Variants in ADAD2 observed in about 807,000 individuals in gnomAD.
The protein encoded by ADAD2 is adenosine deaminase domain-containing protein 2.
A neutral mutation model predicts 54.5 loss-of-function variants in ADAD2; 60 were observed. That is an observed-to-expected ratio of 1.10 (90% CI 0.89 to 1.36). The LOEUF is 1.36. Ranked by LOEUF, ADAD2 falls within the 40% of genes most tolerant of loss-of-function variation. The probability of loss-of-function intolerance (pLI) is 0.00; values close to 1 mark genes in which losing one functional copy is unlikely to be tolerated. For synonymous variants in ADAD2, 543 were observed against 366.2 expected (o/e 1.48, Z -5.51); for missense variants, 1,103 against 801.3 (o/e 1.38, Z -4.54).
At position 84,195,682 on chromosome 16, in the gene ADAD2, C is replaced by T. The variant is rs139952223; in HGVS notation, c.1037C>T (p.Ala346Val). ...TACATCAGCAACACCCCCAAGGGCG[C>T]GGCCCGTGACATCTAGTATGCAGGG... Reference protein sequence around the residue: ...HLYISNTPKGAARDIYLPPTS... With the variant: ...HLYISNTPKGVARDIYLPPTS... The change falls in exon 6 of 10, where the codon GCG (alanine) becomes GTG (valine). Residue 346 changes from alanine (A) to valine (V), a missense_variant. Coordinates refer to ENST00000315906, the MANE Select transcript of ADAD2 (RefSeq NM_001145400.2). The T allele has an allele frequency of 6.5e-4, 1,021 of 1,559,574 alleles. 5 individuals carry two copies. The highest frequency in any genetic ancestry group is 8.2e-4 in the Non-Finnish European group (953 of 1,156,192).
At chr16:84,196,817 C>A in intron 9 of ADAD2, 50 bp downstream of exon 9, 9 of 1,597,836 alleles carry the variant, frequency 5.6e-6, no homozygotes, top group Non-Finnish European at 6.0e-6. Flanking sequence ...GCCCTGCAGT[C>A]CCTGCCCCCT....
rs748987274 is a variant in ADAD2, at chr16:84,195,984, C to T, written c.1222C>T (p.Leu408=). 9.4e-6 allele frequency: 15 copies of T among 1,598,814 alleles called. No individual in the cohort carries two copies. Among genetic ancestry groups the T allele is most frequent in the Admixed American group, 1.7e-5 (1 of 59,960 alleles). ...DKLARWAVLG[L]GGALLAHLVS... The stretch of plus-strand genomic sequence containing the variant: ...GCTGGCACGCTGGGCCGTGCTGGGG[C>T]TGGGTGGTGCCCTGCTGGCCCACCT... The change falls in exon 7 of 10, where the codon CTG becomes TTG. Residue 408 remains leucine, a synonymous_variant. Transcript: ENST00000315906.
rs762498754 is a variant in ADAD2, at chr16:84,195,602, C to T, written c.957C>T (p.Pro319=). Residue 319 remains proline (P), a synonymous_variant, in exon 6 of 10, where the codon CCC becomes CCT. Coordinates refer to ENST00000315906, the MANE Select transcript of ADAD2 (RefSeq NM_001145400.2). ...PKGKEQSVLA[P]QPGPGPPFTL... ...GCAAGGAGCAGTCCGTGCTGGCCCC[C>T]CAGCCAGGGCCCGGACCCCCATTCA... is the stretch of plus-strand genomic sequence containing the variant. 3.2e-5 allele frequency: 51 copies of T among 1,604,212 alleles called. 1 individual carries two copies. In the Admixed American group the frequency reaches 8.8e-4, roughly 28 times the overall value.
Position 84,196,322 on chromosome 16 carries a change from A to C in ADAD2, c.1478A>C (p.Asp493Ala), listed in dbSNP as rs2089730189. ...CTGAGCCTCAACTGGAGCCTGGGGG[A>C]CCCTGGCATCGAGGTTGTGGATGTG... Reference protein sequence around the residue: ...RGLSLNWSLGDPGIEVVDVAT... With the variant: ...RGLSLNWSLGAPGIEVVDVAT... Residue 493 changes from aspartate (D) to alanine (A), a missense_variant, in exon 8 of 10, where the codon GAC (aspartate) becomes GCC (alanine). Coordinates refer to ENST00000315906, the MANE Select transcript of ADAD2 (RefSeq NM_001145400.2). 2.5e-6 allele frequency: 4 copies of C among 1,612,756 alleles called. No homozygotes were observed. Among genetic ancestry groups the C allele is most frequent in the Non-Finnish European group, 3.4e-6 (4 of 1,179,908 alleles).
chr16:84,196,601 C>G lies in ADAD2; in HGVS notation c.1527-46C>G, dbSNP rs764438990. On this transcript the variant is annotated intron_variant, in intron 8 of 9. Coordinates refer to ENST00000315906, the MANE Select transcript of ADAD2 (RefSeq NM_001145400.2). The stretch of plus-strand genomic sequence containing the variant: ...TGAGGTGTGTAGCAGGCCTGCTGGT[C>G]CAGCTTGTATCTCTCTGATCTCAGT... The G allele has an allele frequency of 8.1e-6, 13 of 1,599,378 alleles. No homozygotes were observed. In the South Asian group the frequency reaches 1.2e-4, roughly 15 times the overall value.
intron 1 of ADAD2, 184 bp downstream of exon 1, chr16:84,191,832 C>T: frequency 1.2e-6 from 1 of 820,836 alleles, no homozygotes; most frequent in South Asian, 1.5e-5. Context: ...GCAGCGATCT[C>T]CAAGGATCAC....
chr16:84,191,729 C>T (rs1310954221), intron 1 of ADAD2, 81 bp downstream of exon 1: 1 of 1,524,146 alleles, frequency 6.6e-7, no homozygotes, highest in African/African-American at 1.5e-5. Flanking sequence ...AGCAGGGGGT[C>T]TGGGGAAGGT....
At position 84,196,882 on chromosome 16, in the gene ADAD2, C is replaced by T. The variant is rs767423794; in HGVS notation, c.1660C>T (p.Gln554Ter). Residue 554 changes from glutamine to a stop codon, truncating the protein, a stop_gained, in exon 10 of 10, where the codon CAG becomes TAG. Coordinates refer to ENST00000315906, the MANE Select transcript of ADAD2 (RefSeq NM_001145400.2). LOFTEE classifies it high-confidence loss of function. ...TYEAAKAGPY[Q>*]EARRQLSLLL... ...TCTCCCGCCCTAGGCTGGGCCCTAC[C>T]AGGAGGCTCGCAGGCAGCTGTCTCT... 1.3e-6 allele frequency: 2 copies of T among 1,593,362 alleles called. No homozygotes were observed. Among genetic ancestry groups the T allele is most frequent in the African/African-American group, 1.3e-5 (1 of 74,538 alleles).
rs115633817 is a variant in ADAD2 at position 84,195,484 on chromosome 16, C to T, written c.884+38C>T. On this transcript the variant is annotated intron_variant, in intron 5 of 9. Coordinates refer to ENST00000315906, the MANE Select transcript of ADAD2 (RefSeq NM_001145400.2). The stretch of plus-strand genomic sequence containing the variant: ...GGGGTGGGCGCCTGATAGCAGCCTT[C>T]GCCAGGACAAGGTCTTCCCAACCAC... The T allele has an allele frequency of 6.5e-3, 10,440 of 1,605,254 alleles. 388 individuals carry two copies. In the African/African-American group the frequency reaches 0.087, roughly 13 times the overall value.
rs913209333 is a variant in ADAD2, at chr16:84,191,642, C to A, written c.412C>A (p.Pro138Thr). The change falls in exon 1 of 10, where the codon CCA becomes ACA. Residue 138 changes from proline (P) to threonine (T), a missense_variant. Transcript: ENST00000315906. ...GIFLLFREDQ[P>T]PGPCFPFSVS... is the part of the protein sequence containing the mutation. Reference sequence around the variant, plus strand: ...CTTCCTGCTCTTCCGGGAGGACCAGCCACCAGGTGAGGCCGGGCCGGGGCA... The same window carrying A: ...CTTCCTGCTCTTCCGGGAGGACCAGACACCAGGTGAGGCCGGGCCGGGGCA... The A allele has an allele frequency of 1.3e-6, 2 of 1,557,928 alleles. No homozygotes were observed. Among genetic ancestry groups the A allele is most frequent in the Admixed American group, 3.8e-5 (2 of 52,624 alleles).
chr16:84,194,168 C>A, intron 1 of ADAD2: 1 of 1,601,988 alleles, frequency 6.2e-7, no homozygotes. Flanking sequence ...AACCGCCTGC[C>A]GTTTCTGCTC....
chr16:84,195,213 C>T lies in ADAD2; in HGVS notation c.733+19C>T, dbSNP rs757759002. On this transcript the variant is annotated intron_variant, in intron 4 of 9. Coordinates refer to ENST00000315906, the MANE Select transcript of ADAD2 (RefSeq NM_001145400.2). The stretch of plus-strand genomic sequence containing the variant: ...GAGAGGGGTAGGGATCGCCCCAGCC[C>T]TGGCCCTGGCCCCGGCCCCCTGGGA... 1.2e-6 allele frequency: 2 copies of T among 1,610,764 alleles called. No individual in the cohort carries two copies. The highest frequency in any genetic ancestry group is 1.3e-5 in the African/African-American group (1 of 74,900).
At chr16:84,195,750 C>A in intron 6 of ADAD2, 53 bp downstream of exon 6, 2 of 1,535,000 alleles carry the variant, frequency 1.3e-6, no homozygotes, top group Admixed American at 2.1e-5. Flanking sequence ...GGTTGGGCTG[C>A]TGGGTGGGGG....
In ADAD2 at chr16:84,194,458, C is replaced by G. The variant is rs372317940; in HGVS notation, c.435C>G (p.Phe145Leu). Residue 145 changes from phenylalanine (F) to leucine (L), a missense_variant, in exon 2 of 10, where the codon TTC (phenylalanine) becomes TTG (leucine). Physicochemically the swap from Phe to Leu is conservative, Grantham distance 22 (BLOSUM62 0). Transcript: ENST00000315906. ...CTTCCCCAGGTCCCTGCTTCCCCTT[C>G]TCGGTGAGCGCGGAACTGGATGGGG... ...EDQPPGPCFP[F>L]SVSAELDGVV... The G allele has an allele frequency of 1.9e-6, 3 of 1,606,986 alleles. No individual in the cohort carries two copies. The East Asian group carries it at 6.7e-5, about 36-fold the overall frequency.
intron 1 of ADAD2, chr16:84,193,605 T>TCATC (rs2089685721): frequency 6.1e-6 from 1 of 163,294 alleles, no homozygotes; most frequent in South Asian, 1.8e-4. Flanking sequence ...GCTGAATAAG[T>TCATC]CATCCAGGGG....
chr16:84,193,134 A>G (rs999252624), intron 1 of ADAD2: 3 of 152,312 alleles, frequency 2.0e-5, no homozygotes, highest in Admixed American at 6.5e-5. Flanking sequence ...GGCCTCATCT[A>G]TATTTCTTAA....
At chr16:84,191,827 G>A (rs1429143227) in intron 1 of ADAD2, 179 bp downstream of exon 1, 1 of 849,450 alleles carries the variant, frequency 1.2e-6, no homozygotes, top group South Asian at 1.4e-5. Context: ...TGTGAGCAGC[G>A]ATCTCCAAGG....
chr16:84,191,997 C>T (rs370809515), intron 1 of ADAD2: 46 of 421,664 alleles, frequency 1.1e-4, no homozygotes, highest in African/African-American at 9.1e-4. Flanking sequence ...TTGGAGATAC[C>T]GAAATGGGAG....
In ADAD2 at chr16:84,196,250, G is replaced by A. The variant is rs1261815878; in HGVS notation, c.1406G>A (p.Gly469Glu). 4 of 1,612,274 alleles carry A rather than the reference G, an allele frequency of 2.5e-6. No homozygotes were observed. Among genetic ancestry groups the A allele is most frequent in the Admixed American group, 3.3e-5 (2 of 59,996 alleles). Residue 469 changes from glycine to glutamate, a missense_variant, in exon 8 of 10, where the codon GGG becomes GAG. By Grantham distance (98) the Gly-to-Glu change is moderately conservative. Coordinates refer to ENST00000315906, the MANE Select transcript of ADAD2 (RefSeq NM_001145400.2). ...YVRTALHLFA[G>E]PPVAPSEPTP... ...CGGACCGCCCTGCACCTGTTTGCAG[G>A]GCCCCCGGTGGCCCCTTCCGAACCC...
Sources: allele counts gnomAD v4.1 joint callset, GRCh38; gene constraint gnomAD v4.1.1; transcripts MANE v1.5; gene names NCBI Gene and HGNC (gene_info 2026-07-23, HGNC 2026-07-21).